Variants in NCALD observed in about 807,000 individuals in gnomAD.
NCALD encodes the protein neurocalcin-delta.
Under a neutral mutation model 18.6 loss-of-function variants are expected in NCALD, and 10 were observed. The ratio of observed to expected loss-of-function variants is 0.54; its 90% CI spans 0.33 to 0.91. The LOEUF (loss-of-function observed/expected upper bound fraction) is 0.91, where lower values mean the gene tolerates loss of function less well. NCALD is among the 40% of genes least tolerant of loss of function. The pLI is 0.03. For synonymous variants in NCALD, 88 were observed against 87.4 expected (o/e 1.01, Z -0.04); for missense variants, 184 against 247.6 (o/e 0.74, Z 1.72).
At chr8:101,721,026 G>A (rs1816329539) in intron 1 of NCALD, among the ~76,000 whole-genome samples, 1 of 152,160 alleles carries the variant, frequency 6.6e-6, no homozygotes, top group African/African-American at 2.4e-5. Context: ...GGGGGCATGG[G>A]TGCTCTCAGG....
chr8:102,060,274 C>T (rs956939850), intron 1 of NCALD, among the ~76,000 whole-genome samples: 3 of 152,192 alleles, frequency 2.0e-5, no homozygotes, highest in Non-Finnish European at 1.5e-5. Flanking sequence ...AGCCACTGCG[C>T]CCGGCCTGAA....
chr8:102,078,376 G>T (rs757264474), intron 1 of NCALD, among the ~76,000 whole-genome samples: 6 of 152,080 alleles, frequency 3.9e-5, no homozygotes, highest in Non-Finnish European at 8.8e-5. Flanking sequence ...TTTTCACACA[G>T]CCACCACAGT....
At chr8:101,738,603 C>T (rs1041188662) in intron 1 of NCALD, among the ~76,000 whole-genome samples, 12 of 150,356 alleles carry the variant, frequency 8.0e-5, no homozygotes, top group African/African-American at 2.9e-4. Context: ...GAAAATATCA[C>T]CTAGAACACG....
chr8:101,951,877 C>G (rs1819437715), intron 2 of NCALD, among the ~76,000 whole-genome samples: 1 of 152,266 alleles, frequency 6.6e-6, no homozygotes, highest in South Asian at 2.1e-4. Flanking sequence ...TGGCCAGCAC[C>G]CTCCATGCTG....
chr8:101,843,395 G>A (rs1814725114), intron 4 of NCALD, among the ~76,000 whole-genome samples: 2 of 152,046 alleles, frequency 1.3e-5, no homozygotes, highest in South Asian at 4.1e-4. Context: ...CACCCTCCAG[G>A]GGATTTTGAT....
At chr8:101,835,314 G>T (rs1278956792) in intron 4 of NCALD, among the ~76,000 whole-genome samples, 1 of 152,128 alleles carries the variant, frequency 6.6e-6, no homozygotes, top group African/African-American at 2.4e-5. Flanking sequence ...CTCAACCAGG[G>T]GTCATTTTGC....
chr8:101,742,007 A>C (rs1401130611), intron 1 of NCALD, among the ~76,000 whole-genome samples: 3 of 150,034 alleles, frequency 2.0e-5, no homozygotes, highest in Admixed American at 2.0e-4. Context: ...TAATCCCAGC[A>C]CTTTGGGAGG....
At chr8:101,999,073 C>CAAAA (rs34227411) in intron 2 of NCALD, among the ~76,000 whole-genome samples, 16 of 79,304 alleles carry the variant, frequency 2.0e-4, no homozygotes, top group Non-Finnish European at 2.4e-4. Context: ...CACTCACCAT[C>CAAAA]AAAAAAAAAA....
At chr8:101,818,342 C>T (rs1328551630) in intron 4 of NCALD, among the ~76,000 whole-genome samples, 1 of 152,080 alleles carries the variant, frequency 6.6e-6, no homozygotes, top group East Asian at 1.9e-4. Context: ...CAAATGACCT[C>T]ACTTGATCTT....
rs869241027 is a variant in NCALD, at chr8:101,730,479, C to CAAAAAAAAAA, written c.-19-10841_-19-10832dup. Among the ~76,000 whole-genome samples the CAAAAAAAAAA allele has an allele frequency of 3.7e-4, 16 of 43,662 alleles. 1 individual carries two copies. The highest frequency in any genetic ancestry group is 6.7e-4 in the African/African-American group (8 of 11,858). 28.6% of individuals were successfully genotyped at this position (43,662 alleles called of 152,430 possible). A position where few individuals can be genotyped will look rare whatever the true frequency, so the allele number is the denominator to read the frequency against. Reference sequence around the variant, plus strand: ...TGGGCAACAGAGCGAGACTCCATCTCAAAAAAAAAAAAAAAAAAAAAAAAA... The same window carrying CAAAAAAAAAA: ...TGGGCAACAGAGCGAGACTCCATCTCAAAAAAAAAAAAAAAAAAAAAAAAAAAAAAAAAAA... On this transcript the variant is annotated intron_variant, in intron 1 of 3. Transcript: ENST00000220931.
intron 2 of NCALD, among the ~76,000 whole-genome samples, chr8:101,996,954 T>C (rs1486804759): frequency 6.6e-6 from 1 of 152,248 alleles, no homozygotes; most frequent in Admixed American, 6.5e-5. Context: ...ACTACCTGCC[T>C]GCTCGAACAC....
At position 101,870,273 on chromosome 8, in the gene NCALD, G is replaced by A. The variant is rs572538288; in HGVS notation, c.-20+16868C>T. 2.0e-5 allele frequency among the ~76,000 whole-genome samples: 3 copies of A among 152,280 alleles called. No homozygotes were observed. The South Asian group carries it at 6.2e-4, about 32-fold the overall frequency. ...TTTTCCTTACTAAAGAGCAGTGTTA[G>A]AAACGAGTATTTCAGAGAATGGACA... On this transcript the variant is annotated intron_variant, in intron 4 of 6. Coordinates refer to the NCALD transcript ENST00000311028.
intron 4 of NCALD, among the ~76,000 whole-genome samples, chr8:101,801,987 C>T (rs1428377272): frequency 1.3e-5 from 2 of 152,068 alleles, no homozygotes; most frequent in African/African-American, 2.4e-5. Context: ...TCTTATTGTG[C>T]TTTGCTTTAC....
At chr8:101,950,800 T>TA (rs1343906954) in intron 2 of NCALD, among the ~76,000 whole-genome samples, 1 of 152,216 alleles carries the variant, frequency 6.6e-6, no homozygotes, top group Non-Finnish European at 1.5e-5. Flanking sequence ...ACAGCTTGAA[T>TA]CCAAGCCCAA....
chr8:101,804,368 T>C (rs1389482711), intron 4 of NCALD, among the ~76,000 whole-genome samples: 1 of 124,442 alleles, frequency 8.0e-6, no homozygotes, highest in Non-Finnish European at 1.6e-5. Context: ...ATATCAATTA[T>C]ATATTATATG....
chr8:102,075,285 T>C (rs1824306789), intron 1 of NCALD, among the ~76,000 whole-genome samples: 1 of 152,162 alleles, frequency 6.6e-6, no homozygotes, highest in African/African-American at 2.4e-5. Context: ...TGTCCATGAA[T>C]ATTTATGGAA....
chr8:101,700,233 T>A (rs1046624208), intron 2 of NCALD, among the ~76,000 whole-genome samples: 2 of 151,944 alleles, frequency 1.3e-5, no homozygotes, highest in African/African-American at 4.8e-5. Context: ...GTTAATTTTT[T>A]AAAAAATATT....
chr8:102,003,837 G>T (rs1206621566), intron 2 of NCALD, among the ~76,000 whole-genome samples: 2 of 152,092 alleles, frequency 1.3e-5, no homozygotes, highest in Non-Finnish European at 2.9e-5. Context: ...AACCCTTCAT[G>T]CTAAAACCTC....
chr8:101,925,821 T>C (rs1176122650), intron 2 of NCALD, among the ~76,000 whole-genome samples: 1 of 152,188 alleles, frequency 6.6e-6, no homozygotes, highest in African/African-American at 2.4e-5. Context: ...ATAGACATCA[T>C]TCAAAAGAAG....
Sources: gnomAD v4.1 joint callset for allele counts (sites outside exome capture counted in the v4.1 genomes callset) on GRCh38, gnomAD v4.1.1 for gene constraint, MANE v1.5 for transcripts, NCBI Gene and HGNC (gene_info 2026-07-23, HGNC 2026-07-21) for gene names.